ABCA9: variants seen among roughly 807,000 people sequenced by gnomAD.
ABCA9 encodes the protein ATP binding cassette subfamily A member 9.
A neutral mutation model predicts 205.3 loss-of-function variants in ABCA9; 183 were observed. The observed-to-expected ratio is 0.89, with a 90% CI of 0.79 to 1.01. ABCA9 has a LOEUF of 1.01. Among genes scored for constraint, ABCA9 ranks in the 50% least tolerant of loss-of-function variants. The pLI is 0.00. For synonymous variants in ABCA9, 651 were observed against 683.3 expected, an observed-to-expected ratio of 0.95 and a Z score of 0.74; for missense variants, 1,805 against 1,912.4, an observed-to-expected ratio of 0.94 and a Z score of 1.05.
chr17:68,996,856 C>T (rs566016611), intron 25 of ABCA9, among the ~76,000 whole-genome samples: 2 of 152,116 alleles, frequency 1.3e-5, no homozygotes, highest in Admixed American at 6.5e-5. Flanking sequence ...ATATAGTTTT[C>T]TTCCTTTAGC....
the ABCA9 span, among the ~76,000 whole-genome samples, chr17:69,070,956 G>A: frequency 6.6e-6 from 1 of 152,188 alleles, no homozygotes; most frequent in African/African-American, 2.4e-5. Flanking sequence ...TCCTCTCACA[G>A]TGTAAACAAA....
rs747065730 is a variant in ABCA9, at chr17:69,018,429, C to T, written c.2751G>A (p.Leu917=). 7.0e-6 allele frequency: 11 copies of T among 1,582,196 alleles called. No homozygotes were observed. The East Asian group carries it at 1.8e-4, about 26-fold the overall frequency. Residue 917 remains leucine (L), a synonymous_variant, in exon 20 of 39, where the codon CTG becomes CTA. Coordinates refer to ENST00000340001, the MANE Select transcript of ABCA9 (RefSeq NM_080283.4). The part of the protein sequence containing the change: ...QQPQDPLTHL[L]VINKTGSTID... ...CATGTTCACCTGTCTTATTGATGAC[C>T]AGTAAATGGGTCAGAGGATCCTGTG...
At chr17:69,055,673 C>T (rs1262162531) in intron 1 of ABCA9, among the ~76,000 whole-genome samples, 2 of 152,044 alleles carry the variant, frequency 1.3e-5, no homozygotes, top group South Asian at 2.1e-4. Context: ...GTAAAATGAA[C>T]ATTTCTACAC....
the ABCA9 span, among the ~76,000 whole-genome samples, chr17:69,077,462 G>A: frequency 1.3e-5 from 2 of 152,298 alleles, no homozygotes; most frequent in Middle Eastern, 3.4e-3. Flanking sequence ...GTGTGCAGAT[G>A]AGAAGAATGT....
chr17:69,016,534 A>ATATT, intron 21 of ABCA9, 144 bp from the exon 22 acceptor site: 1 of 710,436 alleles, frequency 1.4e-6, no homozygotes, highest in South Asian at 3.2e-5. Flanking sequence ...ATCACTCATA[A>ATATT]TATTTGATTA....
At chr17:68,976,382 A>C (rs898630569) in intron 37 of ABCA9, among the ~76,000 whole-genome samples, 192 bp from the exon 38 acceptor site, 1 of 152,222 alleles carries the variant, frequency 6.6e-6, no homozygotes, top group Non-Finnish European at 1.5e-5. Flanking sequence ...TTTCATCTAG[A>C]GTATTGGTAG....
chr17:68,975,220 A>G lies in ABCA9; in HGVS notation c.*695T>C, dbSNP rs2068865457. The stretch of plus-strand genomic sequence containing the variant: ...ATGGCTGCATAGTATTCCATGGTGT[A>G]TATGTGTCACGTTTTCTTTATCCGG... On this transcript the variant is annotated 3_prime_UTR_variant, in exon 39 of 39. Transcript: ENST00000340001. 1 of 152,270 alleles carries G rather than the reference A, an allele frequency of 6.6e-6. No homozygotes were observed. The highest frequency in any genetic ancestry group is 1.5e-5 in the Non-Finnish European group (1 of 68,122). 9.4% of individuals were successfully genotyped at this position (152,270 alleles called of 1,614,324 possible). A position where few individuals can be genotyped will look rare whatever the true frequency, so the allele number is the denominator to read the frequency against.
At chr17:68,988,453 C>T (rs2069322861) in intron 31 of ABCA9, among the ~76,000 whole-genome samples, 1 of 152,156 alleles carries the variant, frequency 6.6e-6, no homozygotes, top group Non-Finnish European at 1.5e-5. Flanking sequence ...CAATAATACC[C>T]TCAACTGCTC....
At chr17:69,050,947 A>T (rs1426489956) in intron 2 of ABCA9, 84 bp downstream of exon 2, 15 of 1,267,964 alleles carry the variant, frequency 1.2e-5, no homozygotes, top group Non-Finnish European at 1.5e-5. Flanking sequence ...GCAATGTTAA[A>T]TAATGAAAAT....
rs568084622 is a variant in ABCA9, at chr17:69,053,185, G to A, written c.-13-2046C>T. On this transcript the variant is annotated intron_variant, in intron 1 of 38. Transcript: ENST00000340001. ...CTCCTCTTCCTGGACATCTGGGGAT[G>A]GGGCTGAAACCTTCTAATCACATGG... Among the ~76,000 whole-genome samples the A allele has an allele frequency of 8.5e-5, 13 of 152,300 alleles. No individual in the cohort carries two copies. In the South Asian group the frequency reaches 2.7e-3, roughly 32 times the overall value.
At chr17:69,012,594 T>A (rs1026136767) in intron 22 of ABCA9, among the ~76,000 whole-genome samples, 16 of 151,708 alleles carry the variant, frequency 1.1e-4, no homozygotes, top group Non-Finnish European at 2.1e-4. Context: ...GAAAAAAAAA[T>A]TTAAAATTTG....
At chr17:69,059,055 G>A (rs1055428058) in intron 1 of ABCA9, among the ~76,000 whole-genome samples, 4 of 152,012 alleles carry the variant, frequency 2.6e-5, no homozygotes, top group African/African-American at 9.7e-5. Context: ...ACTATCATGA[G>A]AACAGCCCAG....
In ABCA9 at chr17:68,985,086, G is replaced by C; in HGVS notation, c.4251C>G (p.Pro1417=). The part of the protein sequence containing the change: ...ALKLQDQLKA[P]VKTLSEGIKR... ...TTATTCCCTCTGACAAGGTCTTCAC[G>C]GGAGCCTTCAGCTGGTCCTGCAGCT... Residue 1417 remains proline (P), a synonymous_variant, in exon 33 of 39, where the codon CCC becomes CCG. Transcript: ENST00000340001. 2 of 1,614,160 alleles carry C rather than the reference G, an allele frequency of 1.2e-6. No homozygotes were observed. Among genetic ancestry groups the C allele is most frequent in the Non-Finnish European group, 1.7e-6 (2 of 1,180,040 alleles).
intron 32 of ABCA9, 102 bp downstream of exon 32, chr17:68,986,062 G>A: frequency 1.6e-6 from 2 of 1,223,126 alleles, no homozygotes; most frequent in South Asian, 3.7e-5. Flanking sequence ...TCTCCCACAA[G>A]CATGGGGTCA....
At chr17:68,986,076 A>G (rs2069227835) in intron 32 of ABCA9, 88 bp downstream of exon 32, 2 of 1,389,328 alleles carry the variant, frequency 1.4e-6, no homozygotes, top group Non-Finnish European at 9.6e-7. Flanking sequence ...GGGGTCATCA[A>G]TTACAACCTC....
the ABCA9 span, among the ~76,000 whole-genome samples, chr17:69,076,174 T>C: frequency 3.3e-5 from 5 of 152,180 alleles, no homozygotes; most frequent in African/African-American, 4.8e-5. Flanking sequence ...ATGTTTCCTA[T>C]TATTTTTAGG....
chr17:69,032,071 G>A, intron 10 of ABCA9, 37 bp downstream of exon 10: 3 of 1,569,294 alleles, frequency 1.9e-6, no homozygotes, highest in Middle Eastern at 1.7e-4. Flanking sequence ...GTCTCTGCCT[G>A]TTCTCCATTG....
At chr17:68,987,745 TGTTTGTTTGTTTG>T (rs2069284851) in intron 31 of ABCA9, among the ~76,000 whole-genome samples, 1 of 92,280 alleles carries the variant, frequency 1.1e-5, no homozygotes, top group African/African-American at 2.9e-5. Context: ...CGTTTTTTTT[TGTTTGTTTGTTTG>T]TTTGTTTGTT....
intron 12 of ABCA9, 63 bp from the exon 13 acceptor site, chr17:69,027,878 TA>T: frequency 7.5e-7 from 1 of 1,332,888 alleles, no homozygotes; most frequent in Non-Finnish European, 1.0e-6. Flanking sequence ...GAAGATCTTT[TA>T]AAATGGAAAA....
Sources: allele counts gnomAD v4.1 joint callset (sites outside exome capture counted in the v4.1 genomes callset), GRCh38; gene constraint gnomAD v4.1.1; transcripts MANE v1.5; gene names NCBI Gene and HGNC (gene_info 2026-07-23, HGNC 2026-07-21).